PLXDC2: variants seen among roughly 807,000 people sequenced by gnomAD.
PLXDC2 encodes plexin domain containing 2, also known as plexin domain-containing protein 2.
A neutral mutation model predicts 68.9 loss-of-function variants in PLXDC2; 40 were observed. The observed-to-expected ratio is 0.58, with a 90% CI of 0.45 to 0.76. The LOEUF (loss-of-function observed/expected upper bound fraction) is 0.76, where lower values mean the gene tolerates loss of function less well. PLXDC2 is among the 30% of genes least tolerant of loss of function. The pLI is 0.00. For missense variants in PLXDC2, 644 were observed against 661.9 expected (o/e 0.97, Z 0.30); for synonymous variants, 243 against 234.2 (o/e 1.04, Z -0.34).
At position 20,280,926 on chromosome 10, in the gene PLXDC2, T is replaced by C. The variant is rs1836074518; in HGVS notation, c.*1107T>C. On this transcript the variant is annotated 3_prime_UTR_variant, in exon 14 of 14. Coordinates refer to ENST00000377252, the MANE Select transcript of PLXDC2 (RefSeq NM_032812.9). ...TTACATAAATATATATATATAAATA[T>C]ATTTTTGTTTATAACTAACACAAGG... The C allele has an allele frequency of 1.3e-5, 2 of 151,866 alleles. No individual in the cohort carries two copies. The highest frequency in any genetic ancestry group is 1.3e-4 in the Admixed American group (2 of 15,220). 9.4% of individuals were successfully genotyped at this position (151,866 alleles called of 1,614,324 possible). A position where few individuals can be genotyped will look rare whatever the true frequency, so the allele number is the denominator to read the frequency against.
intron 1 of PLXDC2, among the ~76,000 whole-genome samples, chr10:19,925,946 A>T (rs892457708): frequency 2.6e-5 from 4 of 152,196 alleles, no homozygotes; most frequent in African/African-American, 9.7e-5. Flanking sequence ...CATTATATTG[A>T]TCCGCTGGCA....
At chr10:20,191,018 G>T (rs977983159) in intron 9 of PLXDC2, among the ~76,000 whole-genome samples, 5 of 151,944 alleles carry the variant, frequency 3.3e-5, no homozygotes, top group Non-Finnish European at 7.4e-5. Context: ...CCGTTAAGAA[G>T]ACCTGCAAAG....
intron 9 of PLXDC2, among the ~76,000 whole-genome samples, chr10:20,192,816 G>A (rs568764440): frequency 5.3e-5 from 8 of 152,120 alleles, no homozygotes; most frequent in South Asian, 4.1e-4. Flanking sequence ...TAACAAAGTG[G>A]ACAAGAATGC....
chr10:19,968,226 G>C (rs567650329), intron 1 of PLXDC2, among the ~76,000 whole-genome samples: 76 of 152,340 alleles, frequency 5.0e-4, no homozygotes, highest in African/African-American at 1.6e-3. Flanking sequence ...CAAATGGAAA[G>C]TGAAGTCAAT....
At chr10:19,818,227 GGTGTGTGT>G (rs749435110) in intron 1 of PLXDC2, among the ~76,000 whole-genome samples, 3,363 of 137,546 alleles carry the variant, frequency 0.024, 51 homozygotes, top group Non-Finnish European at 0.031. Flanking sequence ...GTTCTTTTCT[GGTGTGTGT>G]GTGTGTGTGT....
chr10:20,033,079 A>G (rs1005285540), intron 2 of PLXDC2, among the ~76,000 whole-genome samples: 1 of 151,834 alleles, frequency 6.6e-6, no homozygotes, highest in Non-Finnish European at 1.5e-5. Flanking sequence ...ATATACCTAA[A>G]GTAAATGATG....
At chr10:19,865,129 C>A (rs1310404950) in intron 1 of PLXDC2, among the ~76,000 whole-genome samples, 1 of 152,188 alleles carries the variant, frequency 6.6e-6, no homozygotes, top group African/African-American at 2.4e-5. Flanking sequence ...GTTAGGTTGT[C>A]TCTGCATAGA....
intron 12 of PLXDC2, among the ~76,000 whole-genome samples, chr10:20,229,517 C>CA (rs58386547): frequency 0.13 from 13,458 of 105,598 alleles, 1,191 homozygotes; most frequent in African/African-American, 0.23. Flanking sequence ...CCACTTTAAG[C>CA]AAAAAAAAAA....
chr10:19,820,942 G>A (rs1365461978), intron 1 of PLXDC2, among the ~76,000 whole-genome samples: 1 of 152,084 alleles, frequency 6.6e-6, no homozygotes, highest in Non-Finnish European at 1.5e-5. Context: ...GCCGTGTGTG[G>A]TGGTAGACCC....
At chr10:19,828,614 A>G (rs749489675) in intron 1 of PLXDC2, among the ~76,000 whole-genome samples, 26 of 152,242 alleles carry the variant, frequency 1.7e-4, no homozygotes, top group Admixed American at 4.6e-4. Flanking sequence ...TTTAAAAACA[A>G]GCAAGATTTA....
chr10:20,048,144 T>C (rs1340906593), intron 3 of PLXDC2, among the ~76,000 whole-genome samples: 1 of 152,168 alleles, frequency 6.6e-6, no homozygotes, highest in Non-Finnish European at 1.5e-5. Context: ...CTGAAGTTAT[T>C]TAAAGAGGCA....
chr10:20,073,299 C>G (rs563207051), intron 4 of PLXDC2, among the ~76,000 whole-genome samples: 1 of 152,168 alleles, frequency 6.6e-6, no homozygotes, highest in Non-Finnish European at 1.5e-5. Context: ...TGAAATCTAT[C>G]TCTCTCCACA....
chr10:19,918,862 T>G (rs1833413642), intron 1 of PLXDC2, among the ~76,000 whole-genome samples: 1 of 152,204 alleles, frequency 6.6e-6, no homozygotes, highest in South Asian at 2.1e-4. Context: ...TTCTCAATCG[T>G]TAAGAAGTTA....
At chr10:19,866,755 T>G (rs770521636) in intron 1 of PLXDC2, among the ~76,000 whole-genome samples, 8 of 152,122 alleles carry the variant, frequency 5.3e-5, no homozygotes, top group Non-Finnish European at 1.2e-4. Context: ...GGCAAAGAAT[T>G]GAAAGGCAGG....
intron 13 of PLXDC2, among the ~76,000 whole-genome samples, chr10:20,271,339 G>C (rs1044500586): frequency 9.9e-5 from 15 of 152,192 alleles, no homozygotes; most frequent in African/African-American, 3.4e-4. Context: ...AGCAGGCACT[G>C]AGGGTGAAAA....
rs117342011 is a variant in PLXDC2, at chr10:19,926,497, G to A, written c.113-75278G>A. ...GAAATTCACGGGCTTGCTGCACTAT[G>A]TTCATCTTGCCTGAGAAATGTAATA... On this transcript the variant is annotated intron_variant, in intron 1 of 13. Transcript: ENST00000377252. Among the ~76,000 whole-genome samples the A allele has an allele frequency of 3.3e-5, 5 of 152,124 alleles. No homozygotes were observed. In the East Asian group the frequency reaches 5.8e-4, roughly 18 times the overall value.
chr10:19,841,900 A>T (rs1836917008), intron 1 of PLXDC2, among the ~76,000 whole-genome samples: 1 of 152,186 alleles, frequency 6.6e-6, no homozygotes, highest in African/African-American at 2.4e-5. Flanking sequence ...TGTAAGTAGT[A>T]TTATGTACAT....
intron 4 of PLXDC2, among the ~76,000 whole-genome samples, chr10:20,090,585 G>A (rs1219404821): frequency 3.9e-5 from 6 of 152,018 alleles, no homozygotes; most frequent in African/African-American, 1.5e-4. Context: ...TAATATTTAA[G>A]GTACATTTAA....
intron 2 of PLXDC2, among the ~76,000 whole-genome samples, chr10:20,021,541 A>G (rs1835309276): frequency 6.6e-6 from 1 of 152,022 alleles, no homozygotes. Context: ...GATTATTCAC[A>G]TATTAATCCT....
Sources: gnomAD v4.1 joint callset for allele counts (sites outside exome capture counted in the v4.1 genomes callset) on GRCh38, gnomAD v4.1.1 for gene constraint, MANE v1.5 for transcripts, NCBI Gene and HGNC (gene_info 2026-07-23, HGNC 2026-07-21) for gene names.